GPR21: variants seen among roughly 807,000 people sequenced by gnomAD.
The protein encoded by GPR21 is probable G protein-coupled receptor 21.
GPR21 carries 9 observed loss-of-function variants against 21.5 expected under a neutral mutation model. The ratio of observed to expected loss-of-function variants is 0.42; its 90% confidence interval spans 0.25 to 0.73. The LOEUF is 0.73. GPR21 is among the 30% of genes least tolerant of loss of function. GPR21 has a pLI of 0.27. For missense variants in GPR21, 416 were observed against 428.9 expected, an observed-to-expected ratio of 0.97 and a Z score of 0.27; for synonymous variants, 169 against 159.3, an observed-to-expected ratio of 1.06 and a Z score of -0.46.
Position 123,035,607 on chromosome 9 carries a change from T to C in GPR21, c.1041T>C (p.Cys347=), listed in dbSNP as rs754270343. ...TVRSKGPLNG[C]HI ...GAAGCAAAGGCCCTCTTAATGGATG[T>C]CATATCTGAAGTGGCTCAGTTACGG... Residue 347 remains cysteine, a synonymous_variant, in exon 2 of 2, where the codon TGT becomes TGC. Coordinates refer to ENST00000616002, the MANE Select transcript of GPR21 (RefSeq NM_005294.3). 3.8e-6 allele frequency: 6 copies of C among 1,581,684 alleles called. No homozygotes were observed. The highest frequency in any genetic ancestry group is 8.6e-7 in the Non-Finnish European group (1 of 1,167,356).
chr9:123,037,384 T>C (rs1330770727), downstream of GPR21, among the ~76,000 whole-genome samples: 1 of 152,216 alleles, frequency 6.6e-6, no homozygotes, highest in African/African-American at 2.4e-5. Context: ...TTGCTTGCTC[T>C]TTATGTTTAG....
At chr9:123,034,130 G>C (rs1410755855) in intron 1 of GPR21, 41 bp from the exon 2 acceptor site, 3 of 173,600 alleles carry the variant, frequency 1.7e-5, no homozygotes, top group African/African-American at 7.2e-5. Flanking sequence ...TTAGGGCATT[G>C]GATGTGAAAT....
At chr9:123,043,650 A>C in the GPR21 span, among the ~76,000 whole-genome samples, 15 of 143,956 alleles carry the variant, frequency 1.0e-4, no homozygotes, top group Non-Finnish European at 1.5e-4. Context: ...GAGGGGAAGG[A>C]GGGTGGGTGT....
At chr9:123,045,080 G>A in the GPR21 span, among the ~76,000 whole-genome samples, 2 of 152,136 alleles carry the variant, frequency 1.3e-5, no homozygotes, top group African/African-American at 4.8e-5. Flanking sequence ...GTTACAAAAC[G>A]ACTGAATTAG....
At chr9:123,037,973 G>A (rs1179105696), downstream of GPR21, among the ~76,000 whole-genome samples, 2 of 152,146 alleles carry the variant, frequency 1.3e-5, no homozygotes, top group African/African-American at 4.8e-5. Context: ...TATATGGCAT[G>A]TGACTGGTAT....
chr9:123,034,021 C>CAGT (rs1760893082), intron 1 of GPR21, 150 bp from the exon 2 acceptor site: 1 of 157,338 alleles, frequency 6.4e-6, no homozygotes, highest in African/African-American at 2.4e-5. Flanking sequence ...CAGTACAGAT[C>CAGT]AGTTGTGTGG....
the GPR21 span, among the ~76,000 whole-genome samples, chr9:123,041,841 A>T: frequency 6.6e-5 from 10 of 152,222 alleles, no homozygotes; most frequent in Admixed American, 3.9e-4. Context: ...AGACTAAAAA[A>T]CAAGAATTGA....
rs776424717 is a variant in GPR21 at position 123,035,631 on chromosome 9, G to A, written c.*15G>A. On this transcript the variant is annotated 3_prime_UTR_variant, in exon 2 of 2. Coordinates refer to ENST00000616002, the MANE Select transcript of GPR21 (RefSeq NM_005294.3). ...GTCATATCTGAAGTGGCTCAGTTACGGGGTTCCCGTGTGTGTGTGTGTGTG... is the reference window on the plus strand; with the variant it reads ...GTCATATCTGAAGTGGCTCAGTTACAGGGTTCCCGTGTGTGTGTGTGTGTG... The A allele has an allele frequency of 2.1e-6, 3 of 1,444,910 alleles. No individual in the cohort carries two copies. The highest frequency in any genetic ancestry group is 1.9e-4 in the Middle Eastern group (1 of 5,216). 89.5% of individuals were successfully genotyped at this position (1,444,910 alleles called of 1,614,324 possible).
At chr9:123,037,953 C>G, downstream of GPR21, among the ~76,000 whole-genome samples, 1 of 152,100 alleles carries the variant, frequency 6.6e-6, no homozygotes, top group Middle Eastern at 3.2e-3. Context: ...CGGGATAGCT[C>G]ATTTAACTTT....
downstream of GPR21, among the ~76,000 whole-genome samples, chr9:123,038,378 T>C (rs942509516): frequency 2.6e-5 from 4 of 152,156 alleles, no homozygotes; most frequent in African/African-American, 9.6e-5. Context: ...AATTTTTTTT[T>C]ACCGTAAATG....
chr9:123,044,743 T>C, the GPR21 span, among the ~76,000 whole-genome samples: 342 of 152,132 alleles, frequency 2.2e-3, 1 homozygote, highest in African/African-American at 7.8e-3. Flanking sequence ...CAAAATGCCA[T>C]GTAGTGTTCA....
the GPR21 span, among the ~76,000 whole-genome samples, chr9:123,048,648 T>C: frequency 6.6e-6 from 1 of 152,216 alleles, no homozygotes; most frequent in Non-Finnish European, 1.5e-5. Flanking sequence ...ATCAGAAACA[T>C]TTGTTTGGAA....
Position 123,034,836 on chromosome 9 carries a change from C to T in GPR21, c.270C>T (p.Leu90=), listed in dbSNP as rs762998837. 20 of 1,613,914 alleles carry T rather than the reference C, an allele frequency of 1.2e-5. No individual in the cohort carries two copies. The South Asian group carries it at 1.4e-4, about 12-fold the overall frequency. The part of the protein sequence containing the change: ...VSCVVPSLSL[L]HHPLPVEESL... ...GCGTGGTCCCTTCTTTATCACTCCT[C>T]CATCACCCCCTTCCAGTAGAGGAGT... The change falls in exon 2 of 2, where the codon CTC becomes CTT. Residue 90 remains leucine, a synonymous_variant. Coordinates refer to ENST00000616002, the MANE Select transcript of GPR21 (RefSeq NM_005294.3).
downstream of GPR21, among the ~76,000 whole-genome samples, chr9:123,040,338 T>C (rs1038334371): frequency 6.6e-6 from 1 of 152,166 alleles, no homozygotes; most frequent in Non-Finnish European, 1.5e-5. Flanking sequence ...AGAGCAGTCT[T>C]CTCTATTAGC....
At chr9:123,035,639 CGTGTGTGTGTGTGTGTGTGTGT>C (rs5900552) in exon 2 of GPR21, 184 of 733,380 alleles carry the variant, frequency 2.5e-4, no homozygotes, top group African/African-American at 1.6e-3. Flanking sequence ...ACGGGGTTCC[CGTGTGTGTGTGTGTGTGTGTGT>C]GTGTGTGTGT....
At chr9:123,044,364 C>G in the GPR21 span, among the ~76,000 whole-genome samples, 107 of 152,240 alleles carry the variant, frequency 7.0e-4, no homozygotes, top group African/African-American at 2.5e-3. Context: ...CTTTACAAAG[C>G]CATTTCCTAT....
chr9:123,048,008 G>A, the GPR21 span, among the ~76,000 whole-genome samples: 2 of 127,960 alleles, frequency 1.6e-5, no homozygotes, highest in Admixed American at 9.9e-5. Context: ...GCGCGATCTC[G>A]GCCCACTGCG....
the GPR21 span, among the ~76,000 whole-genome samples, chr9:123,047,761 A>G: frequency 6.6e-6 from 1 of 152,052 alleles, no homozygotes; most frequent in African/African-American, 2.4e-5. Context: ...GCCTTTGAAT[A>G]TGGGTGTGAA....
chr9:123,045,555 G>T, the GPR21 span, among the ~76,000 whole-genome samples: 14 of 152,182 alleles, frequency 9.2e-5, no homozygotes, highest in Non-Finnish European at 1.6e-4. Context: ...ACAAAATGTA[G>T]ATCCTAGTTC....
Sources: allele counts gnomAD v4.1 joint callset (sites outside exome capture counted in the v4.1 genomes callset), GRCh38; gene constraint gnomAD v4.1.1; transcripts MANE v1.5; gene names NCBI Gene and HGNC (gene_info 2026-07-23, HGNC 2026-07-21).